Variants in RANBP9 observed in about 807,000 individuals in gnomAD.
RANBP9 encodes the protein RAN binding protein 9.
RANBP9 carries 15 observed loss-of-function variants against 84.3 expected under a neutral mutation model. That is an observed-to-expected ratio of 0.18 (90% CI 0.12 to 0.27). The LOEUF (loss-of-function observed/expected upper bound fraction) is 0.27, where lower values mean the gene tolerates loss of function less well. Ranked by LOEUF, RANBP9 falls within the 10% of genes least tolerant of loss-of-function variation. RANBP9 has a pLI of 1.00. For missense variants in RANBP9, 809 were observed against 912.8 expected (o/e 0.89, Z 1.46); for synonymous variants, 392 against 349.6 (o/e 1.12, Z -1.35).
chr6:13,645,997 C>A (rs888185105), intron 5 of RANBP9, among the ~76,000 whole-genome samples: 1 of 152,076 alleles, frequency 6.6e-6, no homozygotes, highest in South Asian at 2.1e-4. Context: ...GCAAAGTATG[C>A]AAATGTATTG....
chr6:13,675,528 T>C (rs988510995), intron 2 of RANBP9, among the ~76,000 whole-genome samples: 26 of 152,206 alleles, frequency 1.7e-4, no homozygotes, highest in East Asian at 5.8e-4. Flanking sequence ...CTGAATGTAA[T>C]GGTGATCTAA....
intron 12 of RANBP9, among the ~76,000 whole-genome samples, chr6:13,627,852 G>A (rs1399503220): frequency 1.3e-5 from 2 of 151,920 alleles, no homozygotes; most frequent in East Asian, 3.9e-4. Context: ...CCGAAAATGT[G>A]AAATGTCGCA....
intron 13 of RANBP9, among the ~76,000 whole-genome samples, chr6:13,623,698 G>A (rs76381138): frequency 1.9e-3 from 286 of 152,182 alleles, no homozygotes; most frequent in Non-Finnish European, 3.1e-3. Context: ...TATATAGATG[G>A]ACCTACATAA....
chr6:13,656,771 C>A (rs1300787648), intron 4 of RANBP9, among the ~76,000 whole-genome samples: 2 of 152,124 alleles, frequency 1.3e-5, no homozygotes, highest in East Asian at 3.8e-4. Flanking sequence ...TTTTTCTTAG[C>A]ACCTGTTACC....
intron 13 of RANBP9, among the ~76,000 whole-genome samples, chr6:13,624,563 T>C (rs1416589641): frequency 3.3e-5 from 5 of 152,230 alleles, no homozygotes; most frequent in Non-Finnish European, 5.9e-5. Context: ...AAACTTGTTT[T>C]ATGTAAACAA....
At chr6:13,672,008 A>G (rs1765789008) in intron 2 of RANBP9, among the ~76,000 whole-genome samples, 1 of 152,198 alleles carries the variant, frequency 6.6e-6, no homozygotes, top group East Asian at 1.9e-4. Context: ...CTCTAAAGCC[A>G]ATAACTGGAA....
chr6:13,704,038 TCTCA>T (rs887329355), intron 1 of RANBP9, among the ~76,000 whole-genome samples: 8 of 152,356 alleles, frequency 5.3e-5, no homozygotes, highest in Admixed American at 1.3e-4. Flanking sequence ...CTTTGATTTC[TCTCA>T]CTATCATTCC....
chr6:13,632,119 T>A (rs13191719), intron 12 of RANBP9, among the ~76,000 whole-genome samples: 1 of 2,650 alleles, frequency 3.8e-4, no homozygotes, highest in African/African-American at 1.7e-3. Flanking sequence ...GATTTAATCC[T>A]TTTTTTTTTT....
chr6:13,699,839 AAT>A (rs1317631870), intron 1 of RANBP9, among the ~76,000 whole-genome samples: 1 of 152,320 alleles, frequency 6.6e-6, no homozygotes, highest in East Asian at 1.9e-4. Context: ...CAGCCTGAGC[AAT>A]AGAGTGAGAC....
intron 2 of RANBP9, among the ~76,000 whole-genome samples, chr6:13,665,506 T>C (rs1448621191): frequency 6.6e-6 from 1 of 152,158 alleles, no homozygotes; most frequent in Non-Finnish European, 1.5e-5. Context: ...GCCAAGCATA[T>C]GGCACAACAG....
intron 1 of RANBP9, among the ~76,000 whole-genome samples, chr6:13,707,641 A>T (rs1266263760): frequency 6.6e-6 from 1 of 152,236 alleles, no homozygotes; most frequent in African/African-American, 2.4e-5. Flanking sequence ...GGGAAGATCT[A>T]ACCTCCAGGT....
Position 13,622,318 on chromosome 6 carries a change from T to C in RANBP9, c.*44A>G. ...CAGCAGAGCTGGTCTACTTCCATGT[T>C]GACTATATGCCACAATATAAGTGTG... On this transcript the variant is annotated 3_prime_UTR_variant, in exon 14 of 14. Transcript: ENST00000011619. 6.9e-7 allele frequency: 1 copy of C among 1,439,860 alleles called. No homozygotes were observed. The highest frequency in any genetic ancestry group is 1.6e-5 in the South Asian group (1 of 61,372). The allele number at this position is 1,439,860 out of a possible 1,614,324, so 89.2% of individuals were successfully genotyped here. A position where few individuals can be genotyped will look rare whatever the true frequency, so the allele number is the denominator to read the frequency against.
chr6:13,640,450 T>C (rs142299627), intron 8 of RANBP9, among the ~76,000 whole-genome samples: 361 of 152,318 alleles, frequency 2.4e-3, no homozygotes, highest in African/African-American at 8.3e-3. Flanking sequence ...CAGATATTTG[T>C]ACACCTATGT....
At chr6:13,657,879 CAT>C (rs1360685636) in intron 3 of RANBP9, among the ~76,000 whole-genome samples, 2 of 152,264 alleles carry the variant, frequency 1.3e-5, no homozygotes, top group African/African-American at 2.4e-5. Flanking sequence ...GTCAAGGTAA[CAT>C]ATGTGATTAC....
At chr6:13,649,302 G>GA (rs1765241116) in intron 5 of RANBP9, among the ~76,000 whole-genome samples, 1 of 151,872 alleles carries the variant, frequency 6.6e-6, no homozygotes, top group Non-Finnish European at 1.5e-5. Context: ...CTACCTGAGG[G>GA]AAAAAACATA....
intron 10 of RANBP9, among the ~76,000 whole-genome samples, chr6:13,637,234 C>A (rs1268346127): frequency 6.6e-6 from 1 of 152,122 alleles, no homozygotes; most frequent in Non-Finnish European, 1.5e-5. Context: ...ATGTTTGGTG[C>A]CCAACAAATC....
chr6:13,651,206 T>C (rs1765287590), intron 5 of RANBP9, among the ~76,000 whole-genome samples: 1 of 152,058 alleles, frequency 6.6e-6, no homozygotes. Flanking sequence ...TTTTTCCCCC[T>C]TGGTGTCACA....
chr6:13,708,466 AG>A (rs1354863675), intron 1 of RANBP9, among the ~76,000 whole-genome samples: 2 of 152,166 alleles, frequency 1.3e-5, no homozygotes, highest in African/African-American at 4.8e-5. Flanking sequence ...ACAAAAAACC[AG>A]AATACCTTTG....
intron 5 of RANBP9, among the ~76,000 whole-genome samples, chr6:13,646,969 A>G (rs923471898): frequency 3.9e-5 from 6 of 152,250 alleles, no homozygotes; most frequent in Non-Finnish European, 1.5e-5. Context: ...AAATCAATTA[A>G]AAGTTCAAGA....
Sources: allele counts gnomAD v4.1 joint callset (sites outside exome capture counted in the v4.1 genomes callset), GRCh38; gene constraint gnomAD v4.1.1; transcripts MANE v1.5; gene names NCBI Gene and HGNC (gene_info 2026-07-23, HGNC 2026-07-21).